The following AOAH variants were observed in gnomAD, a reference collection of about 807,000 sequenced individuals.
The protein encoded by AOAH is acyloxyacyl hydrolase.
AOAH carries 64 observed loss-of-function variants against 92.2 expected under a neutral mutation model. The ratio of observed to expected loss-of-function variants is 0.69; its 90% CI spans 0.57 to 0.86. The LOEUF (loss-of-function observed/expected upper bound fraction) is 0.86. Among genes scored for constraint, AOAH ranks in the 40% least tolerant of loss-of-function variants. The pLI is 0.00. For synonymous variants in AOAH, 263 were observed against 254.5 expected, an observed-to-expected ratio of 1.03 and a Z score of -0.32; for missense variants, 656 against 694.6, an observed-to-expected ratio of 0.94 and a Z score of 0.62.
At chr7:36,676,558 A>T (rs571298109) in intron 2 of AOAH, among the ~76,000 whole-genome samples, 1 of 152,352 alleles carries the variant, frequency 6.6e-6, no homozygotes, top group South Asian at 2.1e-4. Context: ...ATTCAATGCC[A>T]TCTCTACCAA....
intron 13 of AOAH, among the ~76,000 whole-genome samples, chr7:36,564,717 AATTTTCC>A: frequency 6.6e-6 from 1 of 152,240 alleles, no homozygotes; most frequent in South Asian, 2.1e-4. Flanking sequence ...TTTGCTTCTG[AATTTTCC>A]CTCTGTAGTT....
chr7:36,707,209 G>A (rs1562717222), intron 1 of AOAH, among the ~76,000 whole-genome samples: 2 of 152,038 alleles, frequency 1.3e-5, no homozygotes, highest in East Asian at 1.9e-4. Context: ...TTGCTAATTG[G>A]CCTAATGTTA....
rs756559735 is a variant in AOAH at position 36,618,336 on chromosome 7, G to T, written c.712C>A (p.Pro238Thr). ...SNCNGIWGVDPKDGVPYEKKF... is the reference protein window; with the variant it reads ...SNCNGIWGVDTKDGVPYEKKF... The stretch of plus-strand genomic sequence containing the variant: ...TTCTCATATGGAACTCCATCTTTTG[G>T]ATCGACACCCTTTAAAAAAGAAACG... Residue 238 changes from proline (P) to threonine (T), a missense_variant, in exon 10 of 21, where the codon CCA becomes ACA. By Grantham distance (38) the Pro-to-Thr change is conservative. Transcript: ENST00000617537. The T allele has an allele frequency of 6.2e-7, 1 of 1,613,934 alleles. No homozygotes were observed. Among genetic ancestry groups the T allele is most frequent in the Non-Finnish European group, 8.5e-7 (1 of 1,179,886 alleles).
chr7:36,592,167 T>C (rs1399248839), intron 12 of AOAH, among the ~76,000 whole-genome samples: 2 of 152,196 alleles, frequency 1.3e-5, no homozygotes, highest in African/African-American at 4.8e-5. Flanking sequence ...AAATTCCAGA[T>C]ACTTTTATTG....
intron 12 of AOAH, among the ~76,000 whole-genome samples, chr7:36,586,621 A>G (rs1419889625): frequency 6.6e-6 from 1 of 152,092 alleles, no homozygotes; most frequent in Non-Finnish European, 1.5e-5. Flanking sequence ...TTAGAACAAA[A>G]GTTCTCAAAC....
At chr7:36,671,549 G>T (rs781592814) in intron 3 of AOAH, among the ~76,000 whole-genome samples, 1 of 152,128 alleles carries the variant, frequency 6.6e-6, no homozygotes, top group African/African-American at 2.4e-5. Flanking sequence ...AGGAAAATGC[G>T]TGCATGCTCA....
intron 1 of AOAH, among the ~76,000 whole-genome samples, chr7:36,700,190 T>C (rs1333599399): frequency 1.3e-5 from 2 of 152,102 alleles, no homozygotes; most frequent in Non-Finnish European, 1.5e-5. Flanking sequence ...AAAAAACATT[T>C]GTATACATAT....
intron 5 of AOAH, among the ~76,000 whole-genome samples, chr7:36,634,386 A>C (rs1230028571): frequency 6.6e-6 from 1 of 152,106 alleles, no homozygotes. Flanking sequence ...GAAAATCCCT[A>C]TCCTGTTTTG....
intron 20 of AOAH, among the ~76,000 whole-genome samples, chr7:36,517,652 G>A (rs1783867695): frequency 7.3e-6 from 1 of 136,582 alleles, no homozygotes; most frequent in South Asian, 2.4e-4. Flanking sequence ...CTAGGCTGGA[G>A]TGTAGTGGCG....
intron 12 of AOAH, among the ~76,000 whole-genome samples, chr7:36,589,754 T>G (rs1213572589): frequency 5.3e-5 from 8 of 152,176 alleles, no homozygotes; most frequent in Admixed American, 5.2e-4. Context: ...TACTCTGGGA[T>G]TTTAAATGAT....
At chr7:36,573,605 C>T (rs1238836966) in intron 13 of AOAH, among the ~76,000 whole-genome samples, 4 of 152,084 alleles carry the variant, frequency 2.6e-5, no homozygotes, top group Admixed American at 2.0e-4. Flanking sequence ...GTAATCCCAG[C>T]TACTTGGGAG....
At chr7:36,710,076 T>C (rs1798663646) in intron 1 of AOAH, among the ~76,000 whole-genome samples, 1 of 152,220 alleles carries the variant, frequency 6.6e-6, no homozygotes. Context: ...GGTAGAATTA[T>C]AATATTTCTG....
intron 6 of AOAH, among the ~76,000 whole-genome samples, chr7:36,626,030 A>G (rs2116146509): frequency 6.6e-6 from 1 of 152,350 alleles, no homozygotes; most frequent in East Asian, 1.9e-4. Flanking sequence ...AAAGTTTTGG[A>G]AAAGGCTTTG....
chr7:36,707,573 G>GCAATAAAATGAAGCA (rs1434078792), intron 1 of AOAH, among the ~76,000 whole-genome samples: 1 of 152,122 alleles, frequency 6.6e-6, no homozygotes, highest in Non-Finnish European at 1.5e-5. Flanking sequence ...TCTGCAAAGT[G>GCAATAAAATGAAGCA]CAATAAAATG....
intron 1 of AOAH, among the ~76,000 whole-genome samples, chr7:36,693,091 T>C (rs112326534): frequency 5.3e-5 from 8 of 152,306 alleles, no homozygotes; most frequent in African/African-American, 1.9e-4. Context: ...AGGGGCTAGA[T>C]TGTGAAGCAC....
chr7:36,658,542 C>T (rs1469750327), intron 4 of AOAH, among the ~76,000 whole-genome samples: 4 of 152,168 alleles, frequency 2.6e-5, no homozygotes, highest in Non-Finnish European at 5.9e-5. Context: ...TGATATAATG[C>T]ACACAGGGTC....
chr7:36,543,949 T>C (rs890908648), intron 15 of AOAH, among the ~76,000 whole-genome samples: 3 of 129,014 alleles, frequency 2.3e-5, no homozygotes, highest in Non-Finnish European at 3.3e-5. Context: ...CTTTCTTTCT[T>C]TTTTTTTTTT....
At chr7:36,689,962 T>C (rs1475895107) in intron 1 of AOAH, 1 of 306,580 alleles carries the variant, frequency 3.3e-6, no homozygotes, top group South Asian at 2.8e-5. Flanking sequence ...ACCCCAGTGA[T>C]CATAAACCTT....
intron 20 of AOAH, chr7:36,514,606 TC>T: frequency 6.6e-7 from 1 of 1,520,140 alleles, no homozygotes; most frequent in Non-Finnish European, 8.8e-7. Flanking sequence ...AACAATGCCC[TC>T]ATTTAGCAAA....
Sources: allele counts gnomAD v4.1 joint callset (sites outside exome capture counted in the v4.1 genomes callset), GRCh38; gene constraint gnomAD v4.1.1; transcripts MANE v1.5; gene names NCBI Gene and HGNC (gene_info 2026-07-23, HGNC 2026-07-21).